Variants in DLEU7 observed in about 807,000 individuals in gnomAD.
DLEU7 encodes leukemia-associated protein 7.
A neutral mutation model predicts 16.0 loss-of-function variants in DLEU7; 17 were observed. The observed-to-expected ratio is 1.06, with a 90% CI of 0.73 to 1.59. DLEU7 has a LOEUF of 1.59. Ranked by LOEUF, DLEU7 falls within the 40% of genes most tolerant of loss-of-function variation. DLEU7 has a pLI of 0.00. For missense variants in DLEU7, 308 were observed against 314.9 expected (o/e 0.98, Z 0.17); for synonymous variants, 113 against 139.8 (o/e 0.81, Z 1.35).
chr13:50,731,342 G>C (rs550976922), intron 1 of DLEU7, among the ~76,000 whole-genome samples: 1 of 152,176 alleles, frequency 6.6e-6, no homozygotes, highest in Admixed American at 6.5e-5. Flanking sequence ...TGGACAACTT[G>C]TAGTCAAGGC....
At chr13:50,800,389 C>T (rs879368735) in intron 1 of DLEU7, among the ~76,000 whole-genome samples, 4 of 152,072 alleles carry the variant, frequency 2.6e-5, no homozygotes, top group African/African-American at 9.7e-5. Context: ...GCACCCCTTC[C>T]CCTTCAGTTT....
chr13:50,799,374 C>T lies in DLEU7; in HGVS notation c.459+43814G>A, dbSNP rs77726872. Among the ~76,000 whole-genome samples, 44 of 152,248 alleles carry T rather than the reference C, an allele frequency of 2.9e-4. No individual in the cohort carries two copies. In the East Asian group the frequency reaches 7.9e-3, roughly 27 times the overall value. ...ATTTCTTGTATTCTATTGCATTTCA[C>T]GGGTTTGTGCTATTTGCTGATCCTG... is the stretch of plus-strand genomic sequence containing the variant. On this transcript the variant is annotated intron_variant, in intron 1 of 1. Coordinates refer to the DLEU7 transcript ENST00000400393.
At chr13:50,823,655 AC>A in intron 1 of DLEU7, 135 bp from the exon 2 acceptor site, 1 of 1,061,808 alleles carries the variant, frequency 9.4e-7, no homozygotes, top group Non-Finnish European at 1.3e-6. Flanking sequence ...GGAAAACTAC[AC>A]CCCATTCTTA....
rs771902370 is a variant in DLEU7, at chr13:50,843,174, G to A, written c.459+14C>T. ...ACCCTGCACGCCAGAGGGGATGGCGGGGGCCAGACTCACCTTCAGGTGAAT... is the reference window on the plus strand; with the variant it reads ...ACCCTGCACGCCAGAGGGGATGGCGAGGGCCAGACTCACCTTCAGGTGAAT... On this transcript the variant is annotated intron_variant, in intron 1 of 1. Coordinates refer to ENST00000504404, the MANE Select transcript of DLEU7 (RefSeq NM_001306135.2). The surrounding 1 kb of genome is among the most constrained non-coding windows in gnomAD (Gnocchi z 5.7). The A allele has an allele frequency of 6.3e-7, 1 of 1,585,600 alleles. No homozygotes were observed. Among genetic ancestry groups the A allele is most frequent in the Non-Finnish European group, 8.6e-7 (1 of 1,167,552 alleles).
chr13:50,798,575 C>G (rs1876162080), intron 1 of DLEU7, among the ~76,000 whole-genome samples: 1 of 152,102 alleles, frequency 6.6e-6, no homozygotes, highest in Non-Finnish European at 1.5e-5. Flanking sequence ...TGTGCAGGGC[C>G]TTGTCCAGCC....
intron 1 of DLEU7, among the ~76,000 whole-genome samples, chr13:50,723,903 G>T (rs553002979): frequency 1.7e-4 from 26 of 151,976 alleles, no homozygotes; most frequent in Non-Finnish European, 3.2e-4. Flanking sequence ...TACTTGTATA[G>T]TTGAAAGTCT....
chr13:50,792,116 TA>T (rs1349790914), intron 1 of DLEU7, among the ~76,000 whole-genome samples: 2 of 152,234 alleles, frequency 1.3e-5, no homozygotes, highest in Non-Finnish European at 2.9e-5. Flanking sequence ...AAATATTCTT[TA>T]AATTGATAAC....
chr13:50,763,821 C>G lies in DLEU7; in HGVS notation c.460-50581G>C, dbSNP rs148416009. ...ACCAGAAGCCAACCCCATCATCACT[C>G]CAGATCCCAGTTTCCACATCTGTAA... On this transcript the variant is annotated intron_variant, in intron 1 of 1. Transcript: ENST00000400393. Among the ~76,000 whole-genome samples the G allele has an allele frequency of 2.2e-3, 337 of 152,310 alleles. 1 individual carries two copies. The highest frequency in any genetic ancestry group is 3.7e-3 in the South Asian group (18 of 4,828).
intron 1 of DLEU7, among the ~76,000 whole-genome samples, chr13:50,767,455 CAAAAAAAAA>C (rs35091007): frequency 1.6e-5 from 1 of 64,484 alleles, no homozygotes; most frequent in Non-Finnish European, 3.0e-5. Context: ...GACTCCGTCT[CAAAAAAAAA>C]AAAAAAAAAA....
At chr13:50,772,317 G>A (rs551871614) in intron 1 of DLEU7, among the ~76,000 whole-genome samples, 1 of 152,250 alleles carries the variant, frequency 6.6e-6, no homozygotes, top group Non-Finnish European at 1.5e-5. Flanking sequence ...TATGATGTTA[G>A]CTGGTTATTT....
chr13:50,757,729 A>T (rs1035491824), intron 1 of DLEU7, among the ~76,000 whole-genome samples: 7 of 152,204 alleles, frequency 4.6e-5, no homozygotes, highest in Non-Finnish European at 8.8e-5. Flanking sequence ...TCTAAATGTG[A>T]TTATAAAATA....
chr13:50,812,494 G>A (rs1876600872), intron 1 of DLEU7, among the ~76,000 whole-genome samples: 1 of 152,088 alleles, frequency 6.6e-6, no homozygotes, highest in Non-Finnish European at 1.5e-5. Context: ...GTAGGGTAAA[G>A]GCAAGAAAGG....
intron 1 of DLEU7, among the ~76,000 whole-genome samples, chr13:50,756,153 C>A (rs1005576706): frequency 4.6e-5 from 7 of 152,136 alleles, no homozygotes. Context: ...GGGTTCTTAG[C>A]TTTTTGGTGG....
At chr13:50,815,434 A>C (rs910270950) in intron 1 of DLEU7, among the ~76,000 whole-genome samples, 1 of 152,198 alleles carries the variant, frequency 6.6e-6, no homozygotes, top group African/African-American at 2.4e-5. Context: ...GATACAAAAA[A>C]TTACACACAC....
chr13:50,718,203 T>C (rs1045254769), intron 1 of DLEU7, among the ~76,000 whole-genome samples: 4 of 152,226 alleles, frequency 2.6e-5, no homozygotes, highest in Non-Finnish European at 5.9e-5. Flanking sequence ...AATCGTTTTA[T>C]CTCAGAAATG....
intron 1 of DLEU7, among the ~76,000 whole-genome samples, chr13:50,776,590 A>G (rs764271073): frequency 5.3e-5 from 8 of 152,140 alleles, no homozygotes; most frequent in Admixed American, 6.5e-5. Context: ...TCCTATTCCT[A>G]AATAGTCATT....
chr13:50,767,266 T>C (rs1875143162), intron 1 of DLEU7, among the ~76,000 whole-genome samples: 1 of 151,942 alleles, frequency 6.6e-6, no homozygotes. Context: ...CCATCCTGGC[T>C]AACACAGTGA....
chr13:50,794,127 T>A (rs988007417), intron 1 of DLEU7, among the ~76,000 whole-genome samples: 3 of 152,144 alleles, frequency 2.0e-5, no homozygotes, highest in African/African-American at 7.2e-5. Flanking sequence ...TCTAGTTGAT[T>A]TATTTACTTG....
intron 1 of DLEU7, among the ~76,000 whole-genome samples, chr13:50,832,460 T>C (rs1877309748): frequency 6.6e-6 from 1 of 152,144 alleles, no homozygotes; most frequent in Admixed American, 6.5e-5. Context: ...TTTTGAAAGG[T>C]TTTTCATGTC....
Sources: gnomAD v4.1 joint callset for allele counts (sites outside exome capture counted in the v4.1 genomes callset) on GRCh38, gnomAD v4.1.1 for gene constraint, Gnocchi (gnomAD v3.1) non-coding constraint, MANE v1.5 for transcripts, NCBI Gene and HGNC (gene_info 2026-07-23, HGNC 2026-07-21) for gene names.